ACKR3: variants seen among roughly 807,000 people sequenced by gnomAD.
The protein encoded by ACKR3 is C-X-C chemokine receptor type 7.
Under a neutral mutation model 22.4 loss-of-function variants are expected in ACKR3, and 6 were observed. The ratio of observed to expected loss-of-function variants is 0.27; its 90% CI spans 0.15 to 0.53. The LOEUF (loss-of-function observed/expected upper bound fraction) is 0.53, where lower values mean the gene tolerates loss of function less well. Ranked by LOEUF, ACKR3 falls within the 20% of genes least tolerant of loss-of-function variation. The pLI is 0.96. For synonymous variants in ACKR3, 209 were observed against 205.2 expected, an observed-to-expected ratio of 1.02 and a Z score of -0.16; for missense variants, 396 against 475.2, an observed-to-expected ratio of 0.83 and a Z score of 1.55.
Position 236,580,550 on chromosome 2 carries a change from G to T in ACKR3, c.85G>T (p.Val29Leu). The T allele has an allele frequency of 3.1e-6, 5 of 1,614,234 alleles. No homozygotes were observed. Among genetic ancestry groups the T allele is most frequent in the Non-Finnish European group, 4.2e-6 (5 of 1,180,046 alleles). ...WPCNSSDCIV[V>L]DTVMCPNMPN... Reference sequence around the variant, plus strand: ...ATGCAACAGCAGCGACTGCATCGTGGTGGACACGGTGATGTGTCCCAACAT... The same window carrying T: ...ATGCAACAGCAGCGACTGCATCGTGTTGGACACGGTGATGTGTCCCAACAT... The change falls in exon 2 of 2, where the codon GTG becomes TTG. Residue 29 changes from valine (V) to leucine (L), a missense_variant. Physicochemically the swap from Val to Leu is conservative, Grantham distance 32 (BLOSUM62 1). Transcript: ENST00000272928.
the ACKR3 span, among the ~76,000 whole-genome samples, chr2:236,559,569 T>C: frequency 6.6e-6 from 1 of 152,214 alleles, no homozygotes; most frequent in East Asian, 1.9e-4. Context: ...ATAGTATCAC[T>C]TTATCTGAAC....
At chr2:236,566,844 C>CTTTCTTTCT (rs960633092), upstream of ACKR3, among the ~76,000 whole-genome samples, 15 of 151,060 alleles carry the variant, frequency 9.9e-5, no homozygotes, top group African/African-American at 1.7e-4. Flanking sequence ...TTTCCTCTTT[C>CTTTCTTTCT]TTTCTTTCTT....
chr2:236,542,120 C>T, the ACKR3 span, among the ~76,000 whole-genome samples: 1 of 152,172 alleles, frequency 6.6e-6, no homozygotes, highest in Non-Finnish European at 1.5e-5. Context: ...CTGTCTACAG[C>T]AGGGAGATGT....
intron 1 of ACKR3, among the ~76,000 whole-genome samples, chr2:236,570,230 C>T (rs543978130): frequency 6.6e-6 from 1 of 152,324 alleles, no homozygotes; most frequent in East Asian, 1.9e-4. Flanking sequence ...ATTTAAGCTC[C>T]AGTAAGCAGG....
chr2:236,549,211 C>T, the ACKR3 span, among the ~76,000 whole-genome samples: 5 of 152,208 alleles, frequency 3.3e-5, no homozygotes, highest in Non-Finnish European at 5.9e-5. This position sits in a 1 kb window ranked among gnomAD's most constrained non-coding sequence, Gnocchi z 5.3. Context: ...GCCCTAGCTC[C>T]GACCCTGCAG....
upstream of ACKR3, among the ~76,000 whole-genome samples, chr2:236,562,901 T>C (rs542648561): frequency 6.6e-6 from 1 of 152,262 alleles, no homozygotes; most frequent in Middle Eastern, 3.4e-3. Context: ...TCTGTCACCA[T>C]GTAGCGCTGG....
the ACKR3 span, among the ~76,000 whole-genome samples, chr2:236,547,054 A>AGACTTCTTATTCCACCTGTCTTAGATGGC: frequency 1.3e-5 from 2 of 152,184 alleles, no homozygotes. Flanking sequence ...AGGTTGGTGG[A>AGACTTCTTATTCCACCTGTCTTAGATGGC]GACTTCTTAT....
the ACKR3 span, among the ~76,000 whole-genome samples, chr2:236,545,583 C>T: frequency 6.4e-4 from 98 of 152,080 alleles, no homozygotes; most frequent in African/African-American, 2.1e-3. This position sits in a 1 kb window ranked among gnomAD's most constrained non-coding sequence, Gnocchi z 5.3. Context: ...ATTAGGGCTC[C>T]GGGGAAGAAT....
At chr2:236,546,540 A>G in the ACKR3 span, among the ~76,000 whole-genome samples, 19 of 152,372 alleles carry the variant, frequency 1.2e-4, no homozygotes, top group Admixed American at 1.2e-3. This position sits in a 1 kb window ranked among gnomAD's most constrained non-coding sequence, Gnocchi z 4.9. Context: ...GTAACATCCA[A>G]AGATGAGCAG....
upstream of ACKR3, among the ~76,000 whole-genome samples, chr2:236,569,108 C>G (rs1167840834): frequency 6.6e-6 from 1 of 152,194 alleles, no homozygotes. Context: ...GTTTGCCAGA[C>G]TCATCTCAGA....
At chr2:236,553,935 C>T in the ACKR3 span, among the ~76,000 whole-genome samples, 1 of 152,196 alleles carries the variant, frequency 6.6e-6, no homozygotes, top group African/African-American at 2.4e-5. Flanking sequence ...AATCTGTTTG[C>T]GTAGAGCTTT....
At chr2:236,546,455 T>C in the ACKR3 span, among the ~76,000 whole-genome samples, 1 of 152,198 alleles carries the variant, frequency 6.6e-6, no homozygotes, top group South Asian at 2.1e-4. The surrounding 1 kb of genome is among the most constrained non-coding windows in gnomAD (Gnocchi z 4.9). Flanking sequence ...TTTAATAAAA[T>C]TTGTTGTCAG....
At chr2:236,561,832 T>C in the ACKR3 span, among the ~76,000 whole-genome samples, 9 of 152,256 alleles carry the variant, frequency 5.9e-5, no homozygotes, top group Non-Finnish European at 8.8e-5. Flanking sequence ...ATTGTTCGGA[T>C]TTTCTAAATT....
In ACKR3 at chr2:236,581,033, T is replaced by A. The variant is rs369945273; in HGVS notation, c.568T>A (p.Ser190Thr). The A allele has an allele frequency of 3.7e-6, 6 of 1,614,072 alleles. No homozygotes were observed. In the African/African-American group the frequency reaches 8.0e-5, roughly 22 times the overall value. ...TYYLKTVTSASNNETYCRSFY... is the reference protein window; with the variant it reads ...TYYLKTVTSATNNETYCRSFY... ...CTACCTGAAGACCGTCACGTCTGCG[T>A]CCAACAATGAGACCTACTGCCGGTC... The change falls in exon 2 of 2, where the codon TCC becomes ACC. Residue 190 changes from serine (S) to threonine (T), a missense_variant. Transcript: ENST00000272928. This position sits in a 1 kb window ranked among gnomAD's most constrained non-coding sequence, Gnocchi z 4.4.
At chr2:236,548,533 G>A in the ACKR3 span, among the ~76,000 whole-genome samples, 1,919 of 152,266 alleles carry the variant, frequency 0.013, 24 homozygotes, top group African/African-American at 0.036. The surrounding 1 kb of genome is among the most constrained non-coding windows in gnomAD (Gnocchi z 4.3). Flanking sequence ...ATCTTCCCAG[G>A]GAGGGTGTGG....
the ACKR3 span, among the ~76,000 whole-genome samples, chr2:236,552,837 G>A: frequency 3.9e-5 from 6 of 152,164 alleles, no homozygotes; most frequent in African/African-American, 1.2e-4. Context: ...GAGATATCAC[G>A]CTGGCCACTT....
chr2:236,546,835 C>T, the ACKR3 span, among the ~76,000 whole-genome samples: 2 of 152,352 alleles, frequency 1.3e-5, no homozygotes, highest in South Asian at 4.1e-4. The surrounding 1 kb of genome is among the most constrained non-coding windows in gnomAD (Gnocchi z 4.9). Context: ...TTCCTTTGCT[C>T]TGAATCCACC....
At chr2:236,575,430 CT>C (rs1262495499) in intron 1 of ACKR3, among the ~76,000 whole-genome samples, 1 of 80,664 alleles carries the variant, frequency 1.2e-5, no homozygotes, top group East Asian at 3.6e-4. Context: ...GTGTGTGTGT[CT>C]GGGGTTGTGC....
chr2:236,565,178 A>C (rs377614214), upstream of ACKR3, among the ~76,000 whole-genome samples: 228 of 152,190 alleles, frequency 1.5e-3, 3 homozygotes, highest in African/African-American at 5.2e-3. Context: ...ACTCATGTGC[A>C]TCCTCTCGTT....
Sources: allele counts gnomAD v4.1 joint callset (sites outside exome capture counted in the v4.1 genomes callset), GRCh38; gene constraint gnomAD v4.1.1; non-coding constraint Gnocchi (gnomAD v3.1); transcripts MANE v1.5; gene names NCBI Gene and HGNC (gene_info 2026-07-23, HGNC 2026-07-21).